The following CGNL1 variants were observed in gnomAD, a reference collection of about 807,000 sequenced individuals.
CGNL1 encodes cingulin like 1.
Under a neutral mutation model 141.2 loss-of-function variants are expected in CGNL1, and 132 were observed. The observed-to-expected ratio is 0.93, with a 90% CI of 0.81 to 1.08. The LOEUF is 1.08. Ranked by LOEUF, CGNL1 falls within the 50% of genes least tolerant of loss-of-function variation. The pLI, the probability that CGNL1 is intolerant of heterozygous loss-of-function variation, is 0.00. For missense variants in CGNL1, 1,870 were observed against 1,588.6 expected (o/e 1.18, Z -3.01); for synonymous variants, 690 against 622.1 (o/e 1.11, Z -1.63).
At position 57,461,988 on chromosome 15, in the gene CGNL1, T is replaced by C. The variant is rs1377726556; in HGVS notation, c.2403+96T>C. ...GCAAATCCCCTTCATTCCTTTTAATTAGAGAGTGAATCTCAATTCATCAGA... is the reference window on the plus strand; with the variant it reads ...GCAAATCCCCTTCATTCCTTTTAATCAGAGAGTGAATCTCAATTCATCAGA... On this transcript the variant is annotated intron_variant, in intron 8 of 18. Coordinates refer to ENST00000281282, the MANE Select transcript of CGNL1 (RefSeq NM_032866.5). 20 of 892,662 alleles carry C rather than the reference T, an allele frequency of 2.2e-5. No individual in the cohort carries two copies. In the African/African-American group the frequency reaches 3.0e-4, roughly 13 times the overall value. The allele number at this position is 892,662 out of a possible 1,614,324, so 55.3% of individuals were successfully genotyped here.
At chr15:57,476,550 C>T (rs1162990014) in intron 8 of CGNL1, among the ~76,000 whole-genome samples, 2 of 152,146 alleles carry the variant, frequency 1.3e-5, no homozygotes, top group Non-Finnish European at 2.9e-5. Context: ...CAGAAGAATT[C>T]AGTAGAAACC....
chr15:57,483,381 T>C (rs2063749953), intron 8 of CGNL1, among the ~76,000 whole-genome samples: 1 of 152,306 alleles, frequency 6.6e-6, no homozygotes, highest in Admixed American at 6.5e-5. Context: ...TATACAGAAA[T>C]GCAGTTGTAT....
chr15:57,489,378 T>C (rs1207209235), intron 8 of CGNL1, among the ~76,000 whole-genome samples: 1 of 152,216 alleles, frequency 6.6e-6, no homozygotes, highest in African/African-American at 2.4e-5. Flanking sequence ...GTGATTCTGG[T>C]AATTCTGCTT....
At chr15:57,442,672 G>A (rs2063204356) in intron 4 of CGNL1, among the ~76,000 whole-genome samples, 194 bp downstream of exon 4, 7 of 152,178 alleles carry the variant, frequency 4.6e-5, no homozygotes, top group Admixed American at 4.6e-4. Context: ...TGGCTGGAGT[G>A]TAGTGGTATG....
In CGNL1 at chr15:57,546,326, G is replaced by A. The variant is rs2032865995; in HGVS notation, c.3773+87G>A. The A allele has an allele frequency of 1.2e-5, 17 of 1,410,442 alleles. No individual in the cohort carries two copies. The South Asian group carries it at 2.6e-4, about 21-fold the overall frequency. The allele number at this position is 1,410,442 out of a possible 1,614,324, so 87.4% of individuals were successfully genotyped here. ...CTTTCAGAGCATTCACACTCCTGTT[G>A]TCTCAAGCCAGCTCCTCATTGTTGC... On this transcript the variant is annotated intron_variant, in intron 18 of 18. Transcript: ENST00000281282.
At chr15:57,377,584 C>T (rs2062378735) in intron 1 of CGNL1, among the ~76,000 whole-genome samples, 1 of 152,198 alleles carries the variant, frequency 6.6e-6, no homozygotes, top group Admixed American at 6.5e-5. Flanking sequence ...CCTAATCCAC[C>T]TCTCCACCTG....
intron 1 of CGNL1, among the ~76,000 whole-genome samples, chr15:57,390,792 C>T (rs1347191768): frequency 6.6e-6 from 1 of 152,018 alleles, no homozygotes; most frequent in Non-Finnish European, 1.5e-5. Flanking sequence ...GGAGTGCTGC[C>T]TATCTGTGGG....
At chr15:57,428,275 G>A (rs16977493) in intron 1 of CGNL1, among the ~76,000 whole-genome samples, 41,705 of 152,116 alleles carry the variant, frequency 0.27, 5,860 homozygotes, top group East Asian at 0.43. Context: ...TGAAAATGTG[G>A]TCTCTGCTCA....
chr15:57,383,631 CT>C (rs745909275), intron 1 of CGNL1, among the ~76,000 whole-genome samples: 8 of 37,966 alleles, frequency 2.1e-4, no homozygotes, highest in Non-Finnish European at 8.9e-5. Context: ...CTTTTCTTTT[CT>C]TTTTTTTTTT....
intron 7 of CGNL1, among the ~76,000 whole-genome samples, chr15:57,460,559 G>T (rs150578382): frequency 1.8e-4 from 27 of 152,306 alleles, no homozygotes; most frequent in African/African-American, 6.5e-4. Context: ...GTTCCGCATG[G>T]CTGGGGAGGC....
chr15:57,477,701 T>C (rs17239735), intron 8 of CGNL1: 26,367 of 152,170 alleles, frequency 0.17, 2,419 homozygotes, highest in Admixed American at 0.22. Flanking sequence ...GTTTTGGGGT[T>C]TTGGAGGCAC....
chr15:57,476,244 C>G (rs2063656173), intron 8 of CGNL1, among the ~76,000 whole-genome samples: 1 of 152,016 alleles, frequency 6.6e-6, no homozygotes, highest in Admixed American at 6.6e-5. Context: ...GGGAGTGAGG[C>G]TTGGGTGAGT....
intron 8 of CGNL1, among the ~76,000 whole-genome samples, chr15:57,498,640 A>G (rs1327085371): frequency 1.3e-5 from 2 of 152,238 alleles, no homozygotes; most frequent in Admixed American, 6.5e-5. Flanking sequence ...TACAGAAAAC[A>G]TAAGAAAAAA....
intron 12 of CGNL1, chr15:57,527,178 C>G (rs1238705762): frequency 1.3e-5 from 2 of 152,088 alleles, no homozygotes; most frequent in African/African-American, 4.8e-5. Flanking sequence ...GTCATGGTAA[C>G]CACTAAAACC....
At chr15:57,500,452 T>C (rs531210687) in intron 8 of CGNL1, among the ~76,000 whole-genome samples, 1 of 152,300 alleles carries the variant, frequency 6.6e-6, no homozygotes, top group Admixed American at 6.5e-5. Context: ...AACAGGCCAC[T>C]TAACCTCTCC....
chr15:57,420,759 A>G (rs2062905377), intron 1 of CGNL1, among the ~76,000 whole-genome samples: 1 of 152,218 alleles, frequency 6.6e-6, no homozygotes, highest in Non-Finnish European at 1.5e-5. Flanking sequence ...TTTTAGTCTG[A>G]TGACTCTTGA....
At chr15:57,523,704 C>A in intron 11 of CGNL1, 63 bp downstream of exon 11, 1 of 1,568,552 alleles carries the variant, frequency 6.4e-7, no homozygotes, top group Non-Finnish European at 8.7e-7. Flanking sequence ...CCAGTCCCCT[C>A]TGAGGGTCTG....
chr15:57,520,491 A>T (rs1409427321), intron 10 of CGNL1, among the ~76,000 whole-genome samples: 1 of 152,216 alleles, frequency 6.6e-6, no homozygotes, highest in Non-Finnish European at 1.5e-5. Flanking sequence ...ACCATGACTC[A>T]GTTAAAAAGT....
chr15:57,439,608 C>G lies in CGNL1; in HGVS notation c.1602+7C>G. 1 of 1,608,258 alleles carries G rather than the reference C, an allele frequency of 6.2e-7. No individual in the cohort carries two copies. The highest frequency in any genetic ancestry group is 8.5e-7 in the Non-Finnish European group (1 of 1,176,660). ...TTCGGCCTCAAATACTCAGGTAACACTAGTGCGATTCCTGTTTGGTTTTTT... is the reference window on the plus strand; with the variant it reads ...TTCGGCCTCAAATACTCAGGTAACAGTAGTGCGATTCCTGTTTGGTTTTTT... On this transcript the variant is annotated splice_region_variant and intron_variant, in intron 2 of 18. Transcript: ENST00000281282.
Sources: allele counts gnomAD v4.1 joint callset (sites outside exome capture counted in the v4.1 genomes callset), GRCh38; gene constraint gnomAD v4.1.1; transcripts MANE v1.5; gene names NCBI Gene and HGNC (gene_info 2026-07-23, HGNC 2026-07-21).